The following PCDHGA3 variants were observed in gnomAD, a reference collection of about 807,000 sequenced individuals.
The protein encoded by PCDHGA3 is protocadherin gamma subfamily A, 3.
PCDHGA3 carries 40 observed loss-of-function variants against 58.5 expected under a neutral mutation model. The ratio of observed to expected loss-of-function variants is 0.68; its 90% CI spans 0.53 to 0.89. PCDHGA3 has a LOEUF of 0.89. Ranked by LOEUF, PCDHGA3 falls within the 40% of genes least tolerant of loss-of-function variation. The probability of loss-of-function intolerance (pLI) is 0.00; values close to 1 mark genes in which losing one functional copy is unlikely to be tolerated. For synonymous variants in PCDHGA3, 530 were observed against 525.7 expected, an observed-to-expected ratio of 1.01 and a Z score of -0.11; for missense variants, 1,223 against 1,195.9, an observed-to-expected ratio of 1.02 and a Z score of -0.33.
At chr5:141,397,871 C>G (rs2093579938) in intron 1 of PCDHGA3, 6 of 574,628 alleles carry the variant, frequency 1.0e-5, no homozygotes, top group Non-Finnish European at 1.8e-5. Flanking sequence ...AGTGCTGACT[C>G]TGGGCGCCGC....
chr5:141,422,605 G>A (rs2096658595), intron 1 of PCDHGA3: 1 of 1,613,898 alleles, frequency 6.2e-7, no homozygotes, highest in Non-Finnish European at 8.5e-7. Flanking sequence ...CTCTTACTCT[G>A]CCTACATTCC....
intron 1 of PCDHGA3, chr5:141,403,607 G>T: frequency 6.2e-7 from 1 of 1,613,858 alleles, no homozygotes; most frequent in Non-Finnish European, 8.5e-7. Flanking sequence ...GGATGGCGGC[G>T]AGCCGCGTCG....
intron 1 of PCDHGA3, chr5:141,410,538 T>TG (rs768720792): frequency 8.1e-6 from 13 of 1,613,830 alleles, no homozygotes; most frequent in Non-Finnish European, 1.1e-5. Flanking sequence ...AATGAAGACA[T>TG]GGTTTGCAGT....
At chr5:141,404,205 A>G in intron 1 of PCDHGA3, 3 of 1,613,770 alleles carry the variant, frequency 1.9e-6, no homozygotes, top group Non-Finnish European at 1.7e-6. Context: ...GCCTCAGAAT[A>G]TAATATCACG....
intron 1 of PCDHGA3, chr5:141,364,531 C>T (rs1763385231): frequency 1.2e-6 from 2 of 1,613,976 alleles, no homozygotes; most frequent in African/African-American, 2.7e-5. Flanking sequence ...TCCGCATCGT[C>T]TCCAGAGGTA....
At chr5:141,399,779 G>T in intron 1 of PCDHGA3, 2 of 1,613,282 alleles carry the variant, frequency 1.2e-6, no homozygotes, top group South Asian at 1.1e-5. Flanking sequence ...GTGGGCGACC[G>T]AAACGACAAC....
chr5:141,350,807 C>T (rs541672672), intron 1 of PCDHGA3: 2 of 1,613,974 alleles, frequency 1.2e-6, no homozygotes, highest in East Asian at 2.2e-5. Flanking sequence ...GAAGGAAAGT[C>T]CTGATGGAAG....
Position 141,486,775 on chromosome 5 carries a change from G to A in PCDHGA3, c.2425-8032G>A, listed in dbSNP as rs2099634725. On this transcript the variant is annotated intron_variant, in intron 1 of 3. Coordinates refer to ENST00000253812, the MANE Select transcript of PCDHGA3 (RefSeq NM_018916.4). This position sits in a 1 kb window ranked among gnomAD's most constrained non-coding sequence, Gnocchi z 5.0. ...AGCAAACCCAGACACTGCAGTTTGA[G>A]GTGCAGGCCCGGGATCGGGGCAACC... 7 of 1,614,122 alleles carry A rather than the reference G, an allele frequency of 4.3e-6. No individual in the cohort carries two copies. Among genetic ancestry groups the A allele is most frequent in the Non-Finnish European group, 5.9e-6 (7 of 1,180,060 alleles).
At chr5:141,360,259 G>T (rs1480469675) in intron 1 of PCDHGA3, 1 of 1,613,964 alleles carries the variant, frequency 6.2e-7, no homozygotes, top group South Asian at 1.1e-5. Flanking sequence ...AGAGGAGCTG[G>T]CCAAAAACTC....
At position 141,489,385 on chromosome 5, in the gene PCDHGA3, G is replaced by C. The variant is rs893348832; in HGVS notation, c.2425-5422G>C. The stretch of plus-strand genomic sequence containing the variant: ...GCCGGGGACGCTGGTGGGGAATGTT[G>C]CTCAGGATCTGGGCTTAAAGATGAC... On this transcript the variant is annotated intron_variant, in intron 1 of 3. Transcript: ENST00000253812. This position sits in a 1 kb window ranked among gnomAD's most constrained non-coding sequence, Gnocchi z 4.5. The C allele has an allele frequency of 6.2e-7, 1 of 1,613,924 alleles. No individual in the cohort carries two copies. Among genetic ancestry groups the C allele is most frequent in the Non-Finnish European group, 8.5e-7 (1 of 1,179,896 alleles).
At chr5:141,408,412 G>A in intron 1 of PCDHGA3, 2 of 1,614,052 alleles carry the variant, frequency 1.2e-6, no homozygotes, top group South Asian at 1.1e-5. Flanking sequence ...GAGTGAGCGC[G>A]GAGAAGCTGC....
chr5:141,448,192 TACAAAC>T (rs2098573842), intron 1 of PCDHGA3, among the ~76,000 whole-genome samples: 1 of 152,188 alleles, frequency 6.6e-6, no homozygotes, highest in Non-Finnish European at 1.5e-5. Flanking sequence ...TATGTACACT[TACAAAC>T]ATTTTCTGTG....
In PCDHGA3 at chr5:141,384,908, A is replaced by C. The variant is rs868472813; in HGVS notation, c.2424+38451A>C. 24 of 1,613,860 alleles carry C rather than the reference A, an allele frequency of 1.5e-5. 1 individual carries two copies. The highest frequency in any genetic ancestry group is 9.9e-5 in the South Asian group (9 of 91,086). ...GTGGCTGTGGCTGACAGCATCCCCG[A>C]AGTCTTGGCCGACCTGGGCAGCCTT... On this transcript the variant is annotated intron_variant, in intron 1 of 3. Coordinates refer to ENST00000253812, the MANE Select transcript of PCDHGA3 (RefSeq NM_018916.4).
At chr5:141,503,309 A>G (rs2099819130) in intron 2 of PCDHGA3, among the ~76,000 whole-genome samples, 1 of 152,034 alleles carries the variant, frequency 6.6e-6, no homozygotes, top group Non-Finnish European at 1.5e-5. Flanking sequence ...TCAAGAAAGA[A>G]TTGTTGGAGG....
chr5:141,388,379 C>T (rs901735153), intron 1 of PCDHGA3: 1 of 1,613,998 alleles, frequency 6.2e-7, no homozygotes, highest in South Asian at 1.1e-5. Flanking sequence ...TTGGTAGCAA[C>T]ACACTGCAGA....
At chr5:141,366,854 C>T (rs1018356495) in intron 1 of PCDHGA3, 3 of 1,453,352 alleles carry the variant, frequency 2.1e-6, no homozygotes, top group Non-Finnish European at 2.8e-6. Flanking sequence ...AATAGTGGAA[C>T]ATTATTTGCT....
intron 1 of PCDHGA3, chr5:141,392,749 A>G (rs2092584642): frequency 6.9e-7 from 1 of 1,449,652 alleles, no homozygotes; most frequent in Admixed American, 2.8e-5. Flanking sequence ...AGCTGCGGCA[A>G]GAAACTAAAT....
chr5:141,475,852 G>A, intron 1 of PCDHGA3: 1 of 467,402 alleles, frequency 2.1e-6, no homozygotes, highest in East Asian at 3.7e-5. Context: ...AGAGCCCGGC[G>A]CTAGCTCATT....
chr5:141,349,507 C>T (rs1239903644), intron 1 of PCDHGA3, among the ~76,000 whole-genome samples: 1 of 152,126 alleles, frequency 6.6e-6, no homozygotes, highest in Admixed American at 6.6e-5. Context: ...CAGACTTTGT[C>T]CTACTTAACT....
Sources: allele counts gnomAD v4.1 joint callset (sites outside exome capture counted in the v4.1 genomes callset), GRCh38; gene constraint gnomAD v4.1.1; non-coding constraint Gnocchi (gnomAD v3.1); transcripts MANE v1.5; gene names NCBI Gene and HGNC (gene_info 2026-07-23, HGNC 2026-07-21).